ZNF280B: variants seen among roughly 807,000 people sequenced by gnomAD.
The protein encoded by ZNF280B is zinc finger protein 280B.
A neutral mutation model predicts 38.0 loss-of-function variants in ZNF280B; 16 were observed. That is an observed-to-expected ratio of 0.42 (90% CI 0.28 to 0.64). The LOEUF (loss-of-function observed/expected upper bound fraction) is 0.64, where lower values mean the gene tolerates loss of function less well. Among genes scored for constraint, ZNF280B ranks in the 30% least tolerant of loss-of-function variants. ZNF280B has a pLI of 0.21. For missense variants in ZNF280B, 581 were observed against 639.6 expected, an observed-to-expected ratio of 0.91 and a Z score of 0.99; for synonymous variants, 253 against 230.6, an observed-to-expected ratio of 1.10 and a Z score of -0.88.
chr22:22,487,801 C>G lies in ZNF280B; in HGVS notation c.1598G>C (p.Arg533Thr). 1 of 1,599,646 alleles carries G rather than the reference C, an allele frequency of 6.3e-7. No individual in the cohort carries two copies. The highest frequency in any genetic ancestry group is 1.7e-4 in the Middle Eastern group (1 of 5,954). ...STSDSEPSLP[R>T]SKSKISKKSH ...CTTTTTTGAAATTTTGCTTTTAGAC[C>G]TGGGGAGTGATGGTTCAGAGTCAGA... The change falls in exon 4 of 4, where the codon AGG (arginine) becomes ACG (threonine). Residue 533 changes from arginine (R) to threonine (T), a missense_variant. Coordinates refer to ENST00000626650, the MANE Select transcript of ZNF280B (RefSeq NM_080764.4).
intron 2 of ZNF280B, among the ~76,000 whole-genome samples, chr22:22,494,978 G>T (rs559701222): frequency 6.6e-6 from 1 of 151,816 alleles, no homozygotes; most frequent in Non-Finnish European, 1.5e-5. Context: ...TGCCTGCGTC[G>T]GCCTCCCAAA....
intron 2 of ZNF280B, among the ~76,000 whole-genome samples, chr22:22,504,082 G>A (rs2061882028): frequency 6.6e-6 from 1 of 151,956 alleles, no homozygotes; most frequent in South Asian, 2.1e-4. Flanking sequence ...ACAAGGAATG[G>A]ACCTAAACAC....
chr22:22,490,669 T>C (rs954471138), intron 3 of ZNF280B, among the ~76,000 whole-genome samples: 1 of 151,842 alleles, frequency 6.6e-6, no homozygotes, highest in Non-Finnish European at 1.5e-5. Flanking sequence ...GGTTTCACCA[T>C]GTTGACCAGG....
chr22:22,497,718 C>G (rs1015873250), intron 2 of ZNF280B, among the ~76,000 whole-genome samples: 75 of 152,010 alleles, frequency 4.9e-4, no homozygotes, highest in African/African-American at 1.8e-3. Context: ...TTCATAAAAG[C>G]AAAGAGAACA....
At position 22,489,277 on chromosome 22, in the gene ZNF280B, T is replaced by C; in HGVS notation, c.122A>G (p.Asp41Gly). ...IFVGVEHVNE[D>G]AELIFVGVTS... is the part of the protein sequence containing the mutation. ...CACCCCAACAAAGATTAGCTCAGCA[T>C]CTTCATTTACATGTTCCACACCAAC... The change falls in exon 4 of 4, where the codon GAT (aspartate) becomes GGT (glycine). Residue 41 changes from aspartate to glycine, a missense_variant. Physicochemically the swap from Asp to Gly is moderately conservative, Grantham distance 94. Coordinates refer to ENST00000626650, the MANE Select transcript of ZNF280B (RefSeq NM_080764.4). 1 of 1,613,902 alleles carries C rather than the reference T, an allele frequency of 6.2e-7. No homozygotes were observed. Among genetic ancestry groups the C allele is most frequent in the Non-Finnish European group, 8.5e-7 (1 of 1,179,968 alleles).
At chr22:22,498,975 T>G (rs946292991) in intron 2 of ZNF280B, among the ~76,000 whole-genome samples, 3 of 151,206 alleles carry the variant, frequency 2.0e-5, no homozygotes, top group Non-Finnish European at 2.9e-5. Flanking sequence ...TTTTTTTGTA[T>G]TTTTTAGTGG....
At position 22,488,560 on chromosome 22, in the gene ZNF280B, T is replaced by C. The variant is rs1361070637; in HGVS notation, c.839A>G (p.Asn280Ser). 2 of 1,613,926 alleles carry C rather than the reference T, an allele frequency of 1.2e-6. No individual in the cohort carries two copies. Among genetic ancestry groups the C allele is most frequent in the Non-Finnish European group, 1.7e-6 (2 of 1,179,972 alleles). The stretch of plus-strand genomic sequence containing the variant: ...AAAGTCACTAAGTAACACAATGGGA[T>C]TTTCTTTCTTGGGATCAAAGGTCTT... The part of the protein sequence containing the change: ...QNKTFDPKKE[N>S]PIVLLSDFYY... Residue 280 changes from asparagine to serine, a missense_variant, in exon 4 of 4, where the codon AAT becomes AGT. Asn to Ser is a conservative substitution (Grantham distance 46). Coordinates refer to ENST00000626650, the MANE Select transcript of ZNF280B (RefSeq NM_080764.4).
At chr22:22,497,134 G>A (rs1250096109) in intron 2 of ZNF280B, among the ~76,000 whole-genome samples, 1 of 133,948 alleles carries the variant, frequency 7.5e-6, no homozygotes, top group Non-Finnish European at 1.5e-5. Context: ...CTACTCCTAA[G>A]CAACAGAGAA....
At chr22:22,506,902 C>T (rs765613063) in intron 2 of ZNF280B, among the ~76,000 whole-genome samples, 11 of 151,910 alleles carry the variant, frequency 7.2e-5, no homozygotes, top group Non-Finnish European at 1.5e-4. Context: ...AATCCCACTT[C>T]CTGGAATTCA....
chr22:22,497,208 TAAAAAAAA>T (rs71199486), intron 2 of ZNF280B, among the ~76,000 whole-genome samples: 19 of 33,636 alleles, frequency 5.6e-4, no homozygotes, highest in East Asian at 3.6e-3. Flanking sequence ...TCTCCATCTT[TAAAAAAAA>T]AAAAAAAAAA....
At chr22:22,493,174 A>C (rs2061631088) in intron 3 of ZNF280B, among the ~76,000 whole-genome samples, 1 of 151,414 alleles carries the variant, frequency 6.6e-6, no homozygotes, top group South Asian at 2.1e-4. Flanking sequence ...ACGCCCAGCT[A>C]ATTTTTGTAT....
intron 2 of ZNF280B, among the ~76,000 whole-genome samples, chr22:22,499,327 C>T (rs538338541): frequency 9.3e-5 from 14 of 151,120 alleles, no homozygotes; most frequent in Admixed American, 3.3e-4. Flanking sequence ...TGAAATGGCA[C>T]GATCTTGGCT....
intron 3 of ZNF280B, among the ~76,000 whole-genome samples, chr22:22,491,236 T>A (rs182002910): frequency 6.6e-5 from 10 of 151,912 alleles, no homozygotes; most frequent in Admixed American, 4.6e-4. Context: ...AATTCCACAT[T>A]TTCTATGAAT....
In ZNF280B at chr22:22,487,039, T is replaced by C. The variant is rs1296365338; in HGVS notation, c.*728A>G. ...AGTCTGACTAGAGTTAACCATGAAA[T>C]GCTGAATGCATGGAAAAAGCTGTAA... On this transcript the variant is annotated 3_prime_UTR_variant, in exon 4 of 4. Coordinates refer to ENST00000626650, the MANE Select transcript of ZNF280B (RefSeq NM_080764.4). 1.3e-5 allele frequency: 2 copies of C among 151,970 alleles called. No individual in the cohort carries two copies. The highest frequency in any genetic ancestry group is 4.8e-5 in the African/African-American group (2 of 41,402). 9.4% of individuals were successfully genotyped at this position (151,970 alleles called of 1,614,324 possible).
intron 2 of ZNF280B, among the ~76,000 whole-genome samples, chr22:22,497,250 G>C (rs1377092809): frequency 9.8e-6 from 1 of 102,116 alleles, no homozygotes; most frequent in Non-Finnish European, 1.8e-5. Context: ...AAAAAAAAAG[G>C]CCAGGCACAG....
At chr22:22,498,946 C>A (rs1335186003) in intron 2 of ZNF280B, among the ~76,000 whole-genome samples, 4 of 151,340 alleles carry the variant, frequency 2.6e-5, no homozygotes, top group Admixed American at 2.6e-4. Flanking sequence ...TACAGGAGCC[C>A]GCCATCACGC....
rs556585974 is a variant in ZNF280B, at chr22:22,485,300, G to A, written c.*2467C>T. ...TATTTTTACCACAGAAACAGAATAC[G>A]GGAGGTAAGTATGAAAAGTCTGTAG... On this transcript the variant is annotated 3_prime_UTR_variant, in exon 4 of 4. Transcript: ENST00000626650. The A allele has an allele frequency of 5.9e-5, 9 of 151,940 alleles. No homozygotes were observed. The highest frequency in any genetic ancestry group is 2.0e-4 in the East Asian group (1 of 5,092). The allele number at this position is 151,940 out of a possible 1,614,324, so 9.4% of individuals were successfully genotyped here.
chr22:22,506,971 AG>A (rs1379563945), intron 2 of ZNF280B, among the ~76,000 whole-genome samples: 1 of 151,928 alleles, frequency 6.6e-6, no homozygotes, highest in African/African-American at 2.4e-5. Flanking sequence ...CACATACAGC[AG>A]GAAGTGATGG....
At position 22,485,202 on chromosome 22, in the gene ZNF280B, T is replaced by C. The variant is rs985885357; in HGVS notation, c.*2565A>G. ...TGACCATATGTACTCCTTAAGAGCATGCTTTAATGAGACTGCAAACAACAG... is the reference window on the plus strand; with the variant it reads ...TGACCATATGTACTCCTTAAGAGCACGCTTTAATGAGACTGCAAACAACAG... On this transcript the variant is annotated 3_prime_UTR_variant, in exon 4 of 4. Transcript: ENST00000626650. The C allele has an allele frequency of 6.6e-6, 1 of 151,972 alleles. No individual in the cohort carries two copies. Among genetic ancestry groups the C allele is most frequent in the Non-Finnish European group, 1.5e-5 (1 of 68,006 alleles). 9.4% of individuals were successfully genotyped at this position (151,972 alleles called of 1,614,324 possible).
Sources: gnomAD v4.1 joint callset for allele counts (sites outside exome capture counted in the v4.1 genomes callset) on GRCh38, gnomAD v4.1.1 for gene constraint, MANE v1.5 for transcripts, NCBI Gene and HGNC (gene_info 2026-07-23, HGNC 2026-07-21) for gene names.